The following LRRC4C variants were observed in gnomAD, a reference collection of about 807,000 sequenced individuals.
LRRC4C encodes the protein leucine-rich repeat-containing protein 4C.
LRRC4C carries 5 observed loss-of-function variants against 33.6 expected under a neutral mutation model. The observed-to-expected ratio is 0.15, with a 90% CI of 0.08 to 0.31. LRRC4C has a LOEUF of 0.31. Among genes scored for constraint, LRRC4C ranks in the 10% least tolerant of loss-of-function variants. The pLI, the probability that LRRC4C is intolerant of heterozygous loss-of-function variation, is 1.00. For synonymous variants in LRRC4C, 329 were observed against 302.0 expected, an observed-to-expected ratio of 1.09 and a Z score of -0.93; for missense variants, 560 against 796.7, an observed-to-expected ratio of 0.70 and a Z score of 3.58.
chr11:40,333,116 G>A (rs1946434970), intron 3 of LRRC4C, among the ~76,000 whole-genome samples: 1 of 152,128 alleles, frequency 6.6e-6, no homozygotes, highest in East Asian at 1.9e-4. Context: ...AGCATAGAGA[G>A]TGAAGGCCAC....
At chr11:40,123,098 A>C (rs2134686826) in intron 6 of LRRC4C, among the ~76,000 whole-genome samples, 1 of 152,098 alleles carries the variant, frequency 6.6e-6, no homozygotes, top group South Asian at 2.1e-4. Flanking sequence ...GCCAGATAGT[A>C]ATTATTTCAG....
intron 3 of LRRC4C, among the ~76,000 whole-genome samples, chr11:40,636,036 G>C (rs1963932259): frequency 6.6e-6 from 1 of 152,116 alleles, no homozygotes; most frequent in South Asian, 2.1e-4. Flanking sequence ...AGGAGGGCAC[G>C]ATCTCATGCC....
chr11:40,466,159 A>G (rs1952641450), intron 3 of LRRC4C, among the ~76,000 whole-genome samples: 2 of 152,198 alleles, frequency 1.3e-5, no homozygotes, highest in South Asian at 2.1e-4. Context: ...AAACAACTCA[A>G]AAACAGAAAG....
At chr11:41,117,658 G>T (rs1187250252) in intron 1 of LRRC4C, among the ~76,000 whole-genome samples, 3 of 152,094 alleles carry the variant, frequency 2.0e-5, no homozygotes, top group Non-Finnish European at 4.4e-5. Flanking sequence ...TCATTCTCAG[G>T]TTGTAGGATA....
intron 1 of LRRC4C, among the ~76,000 whole-genome samples, chr11:41,099,154 A>C (rs1416468578): frequency 6.6e-6 from 1 of 152,092 alleles, no homozygotes; most frequent in Non-Finnish European, 1.5e-5. Context: ...GACTCCTGGA[A>C]TAGGCCAATA....
intron 5 of LRRC4C, among the ~76,000 whole-genome samples, chr11:40,196,052 G>A (rs1267465159): frequency 6.6e-6 from 1 of 152,146 alleles, no homozygotes; most frequent in Non-Finnish European, 1.5e-5. Flanking sequence ...ATTTTTCCCA[G>A]AAAGACATTT....
intron 3 of LRRC4C, among the ~76,000 whole-genome samples, chr11:40,450,923 A>C (rs1951854674): frequency 6.6e-6 from 1 of 152,066 alleles, no homozygotes; most frequent in African/African-American, 2.4e-5. Context: ...AATGGATCAA[A>C]GAAGAAATCA....
chr11:41,254,881 A>G (rs1395678918), intron 1 of LRRC4C, among the ~76,000 whole-genome samples: 5 of 152,080 alleles, frequency 3.3e-5, no homozygotes, highest in African/African-American at 1.2e-4. Flanking sequence ...CTAGACTGCC[A>G]AATAGAATAT....
At chr11:41,058,358 G>C (rs1228649783) in intron 1 of LRRC4C, among the ~76,000 whole-genome samples, 6 of 152,220 alleles carry the variant, frequency 3.9e-5, no homozygotes, top group Non-Finnish European at 7.3e-5. Context: ...GTAGCTGCCT[G>C]CCCCACTGCA....
intron 3 of LRRC4C, among the ~76,000 whole-genome samples, chr11:40,388,556 T>A (rs904832127): frequency 6.6e-6 from 1 of 152,152 alleles, no homozygotes; most frequent in Admixed American, 6.6e-5. Flanking sequence ...CTTACTGGGA[T>A]CCTGATGCCA....
intron 3 of LRRC4C, among the ~76,000 whole-genome samples, chr11:40,515,751 G>T (rs1955535198): frequency 6.6e-6 from 1 of 151,946 alleles, no homozygotes; most frequent in Non-Finnish European, 1.5e-5. Flanking sequence ...TAAAAATCAG[G>T]TGTTTTTCCT....
At chr11:40,881,310 A>T (rs1955164288) in intron 2 of LRRC4C, among the ~76,000 whole-genome samples, 1 of 152,062 alleles carries the variant, frequency 6.6e-6, no homozygotes, top group Non-Finnish European at 1.5e-5. Flanking sequence ...TTTTTTGTTG[A>T]TTATTGTGTA....
chr11:40,236,668 G>A (rs973989239), intron 5 of LRRC4C, among the ~76,000 whole-genome samples: 7 of 152,024 alleles, frequency 4.6e-5, no homozygotes, highest in African/African-American at 7.3e-5. Context: ...CCCTGTAATA[G>A]CAATATGGAA....
chr11:40,212,393 G>GA (rs2135837144), intron 5 of LRRC4C, among the ~76,000 whole-genome samples: 1 of 151,068 alleles, frequency 6.6e-6, no homozygotes, highest in South Asian at 2.1e-4. Flanking sequence ...TACATGCTCA[G>GA]ATTAGAAACT....
chr11:40,637,608 C>G (rs1318297776), intron 3 of LRRC4C, among the ~76,000 whole-genome samples: 2 of 152,178 alleles, frequency 1.3e-5, no homozygotes, highest in East Asian at 1.9e-4. Flanking sequence ...TTCCATTTAT[C>G]AGACCAAACA....
chr11:40,857,434 T>C (rs1374542043), intron 2 of LRRC4C, among the ~76,000 whole-genome samples: 1 of 152,156 alleles, frequency 6.6e-6, no homozygotes, highest in Non-Finnish European at 1.5e-5. Context: ...CACTTACAAA[T>C]GAGAGCATGT....
At chr11:41,055,767 A>G (rs1438196542) in intron 1 of LRRC4C, among the ~76,000 whole-genome samples, 4 of 152,164 alleles carry the variant, frequency 2.6e-5, no homozygotes, top group Admixed American at 6.5e-5. Context: ...AAAGAATAGA[A>G]GATCTAGTTA....
rs574419398 is a variant in LRRC4C at position 40,860,630 on chromosome 11, G to A, written c.-407+73005C>T. On this transcript the variant is annotated intron_variant, in intron 2 of 6. Transcript: ENST00000528697. ...AGTGCATCTCTGTCTTCACATGGCT[G>A]TCTTCTTATTAGAACACTAGTCATA... Among the ~76,000 whole-genome samples, 8 of 152,062 alleles carry A rather than the reference G, an allele frequency of 5.3e-5. No individual in the cohort carries two copies. The East Asian group carries it at 1.6e-3, about 29-fold the overall frequency.
chr11:40,594,975 T>C (rs1358528178), intron 3 of LRRC4C, among the ~76,000 whole-genome samples: 2 of 152,134 alleles, frequency 1.3e-5, no homozygotes, highest in Non-Finnish European at 2.9e-5. Flanking sequence ...GATTCAATTT[T>C]ATGTTTTATT....
Sources: gnomAD v4.1 joint callset for allele counts (sites outside exome capture counted in the v4.1 genomes callset) on GRCh38, gnomAD v4.1.1 for gene constraint, MANE v1.5 for transcripts, NCBI Gene and HGNC (gene_info 2026-07-23, HGNC 2026-07-21) for gene names.